Variants in CADM2 observed in about 807,000 individuals in gnomAD.
CADM2 encodes the protein immunoglobulin superfamily member 4D.
A neutral mutation model predicts 49.8 loss-of-function variants in CADM2; 12 were observed. The ratio of observed to expected loss-of-function variants is 0.24; its 90% CI spans 0.15 to 0.39. CADM2 has a LOEUF of 0.39. CADM2 is among the 10% of genes least tolerant of loss of function. The pLI, the probability that CADM2 is intolerant of heterozygous loss-of-function variation, is 1.00. For missense variants in CADM2, 378 were observed against 492.3 expected, an observed-to-expected ratio of 0.77 and a Z score of 2.20; for synonymous variants, 214 against 175.4, an observed-to-expected ratio of 1.22 and a Z score of -1.74.
intron 1 of CADM2, among the ~76,000 whole-genome samples, chr3:85,428,450 GAT>G (rs1267054123): frequency 7.0e-6 from 1 of 142,246 alleles, no homozygotes; most frequent in Non-Finnish European, 1.5e-5. Flanking sequence ...AGATATATAT[GAT>G]ATATATGATA....
chr3:85,697,113 G>C (rs5005995), intron 1 of CADM2, among the ~76,000 whole-genome samples: 563 of 33,060 alleles, frequency 0.017, 6 homozygotes, highest in African/African-American at 0.061. Flanking sequence ...TATATATATG[G>C]CATATATATA....
At chr3:85,526,140 A>C (rs1170938803) in intron 1 of CADM2, among the ~76,000 whole-genome samples, 1 of 103,116 alleles carries the variant, frequency 9.7e-6, no homozygotes, top group South Asian at 3.3e-4. Flanking sequence ...TTCTCTCAAT[A>C]TAGTAAATTG....
intron 1 of CADM2, among the ~76,000 whole-genome samples, chr3:85,176,198 A>C (rs1334602877): frequency 6.6e-6 from 1 of 152,062 alleles, no homozygotes; most frequent in Non-Finnish European, 1.5e-5. Flanking sequence ...CATTCTAAGA[A>C]AGGTTTTGTC....
intron 3 of CADM2, among the ~76,000 whole-genome samples, chr3:85,853,249 G>GTA (rs1322026632): frequency 1.4e-4 from 21 of 151,220 alleles, no homozygotes; most frequent in Admixed American, 1.4e-3. Flanking sequence ...CATAACCATT[G>GTA]TATATATATT....
intron 1 of CADM2, among the ~76,000 whole-genome samples, chr3:85,397,762 C>T (rs1231115492): frequency 6.6e-6 from 1 of 151,968 alleles, no homozygotes; most frequent in African/African-American, 2.4e-5. Flanking sequence ...TTATTGGGTA[C>T]AGAGTTTCTA....
chr3:85,276,174 T>C (rs1311808322), intron 1 of CADM2, among the ~76,000 whole-genome samples: 1 of 151,322 alleles, frequency 6.6e-6, no homozygotes, highest in East Asian at 1.9e-4. Flanking sequence ...AAGCCATTAA[T>C]ACACACAAAG....
At chr3:85,965,966 A>G (rs889909611) in intron 8 of CADM2, among the ~76,000 whole-genome samples, 1 of 151,748 alleles carries the variant, frequency 6.6e-6, no homozygotes, top group Non-Finnish European at 1.5e-5. Flanking sequence ...ATCTACGGAA[A>G]GTGAGAAACG....
chr3:85,736,129 A>G (rs2068122865), intron 2 of CADM2, among the ~76,000 whole-genome samples: 1 of 152,112 alleles, frequency 6.6e-6, no homozygotes, highest in African/African-American at 2.4e-5. Context: ...TCAGAGAAAA[A>G]GAAGAAAATA....
intron 3 of CADM2, among the ~76,000 whole-genome samples, chr3:85,868,896 T>G (rs1019288558): frequency 6.6e-6 from 1 of 152,204 alleles, no homozygotes; most frequent in Non-Finnish European, 1.5e-5. Context: ...TGCACCTTTA[T>G]CTTCATCTCC....
chr3:85,768,470 T>TAATAAATA (rs10663104), intron 2 of CADM2, among the ~76,000 whole-genome samples: 9 of 143,792 alleles, frequency 6.3e-5, no homozygotes, highest in South Asian at 4.3e-4. Context: ...AATAAATAAA[T>TAATAAATA]AATAAATAAA....
intron 1 of CADM2, among the ~76,000 whole-genome samples, chr3:84,976,246 C>T (rs140148218): frequency 2.0e-3 from 306 of 151,526 alleles, no homozygotes; most frequent in Non-Finnish European, 1.8e-3. Flanking sequence ...GAAACCATTC[C>T]GTGTTTGATT....
At chr3:85,715,639 A>T (rs1559609924) in intron 1 of CADM2, among the ~76,000 whole-genome samples, 2 of 152,010 alleles carry the variant, frequency 1.3e-5, no homozygotes, top group African/African-American at 4.8e-5. Flanking sequence ...ATTTCTCTTA[A>T]TGCTATCCCT....
intron 1 of CADM2, among the ~76,000 whole-genome samples, chr3:85,153,169 G>C (rs969179174): frequency 1.3e-5 from 2 of 152,124 alleles, no homozygotes; most frequent in Non-Finnish European, 2.9e-5. Context: ...TTCCATCAGA[G>C]GTACCGGGTT....
intron 2 of CADM2, among the ~76,000 whole-genome samples, chr3:85,783,919 C>G (rs963460192): frequency 1.3e-5 from 2 of 152,108 alleles, no homozygotes; most frequent in African/African-American, 4.8e-5. Context: ...GTACGATCAT[C>G]TTTGTAGGTC....
intron 2 of CADM2, among the ~76,000 whole-genome samples, chr3:85,793,951 G>A (rs2071480461): frequency 1.3e-5 from 2 of 151,842 alleles, no homozygotes; most frequent in African/African-American, 2.4e-5. Flanking sequence ...GCTTAGGTAG[G>A]GCTTATACTT....
chr3:85,659,678 T>C (rs2065338581), intron 1 of CADM2, among the ~76,000 whole-genome samples: 1 of 152,172 alleles, frequency 6.6e-6, no homozygotes, highest in Admixed American at 6.6e-5. Context: ...AGAAATTAAA[T>C]TTGTGACAGC....
intron 3 of CADM2, among the ~76,000 whole-genome samples, chr3:85,816,018 G>A (rs1384826955): frequency 6.6e-6 from 1 of 151,980 alleles, no homozygotes; most frequent in Admixed American, 6.6e-5. Flanking sequence ...TGTATAACAG[G>A]CAAATTCAAT....
chr3:85,730,167 T>A (rs1307642250), intron 2 of CADM2, among the ~76,000 whole-genome samples: 1 of 152,088 alleles, frequency 6.6e-6, no homozygotes, highest in Non-Finnish European at 1.5e-5. Context: ...CCTGGCCGGG[T>A]GCAGTGGCTC....
chr3:85,201,068 C>T (rs556249088), intron 1 of CADM2, among the ~76,000 whole-genome samples: 87 of 152,130 alleles, frequency 5.7e-4, no homozygotes, highest in Non-Finnish European at 1.0e-3. Flanking sequence ...TCCTCTTATT[C>T]GTCTATATTA....
Sources: allele counts gnomAD v4.1 joint callset (sites outside exome capture counted in the v4.1 genomes callset), GRCh38; gene constraint gnomAD v4.1.1; transcripts MANE v1.5; gene names NCBI Gene and HGNC (gene_info 2026-07-23, HGNC 2026-07-21).